ZNF385D: variants seen among roughly 807,000 people sequenced by gnomAD.
ZNF385D encodes zinc finger protein 385D, also known as zinc finger protein 659.
A neutral mutation model predicts 35.8 loss-of-function variants in ZNF385D; 15 were observed. The observed-to-expected ratio is 0.42, with a 90% CI of 0.28 to 0.64. The LOEUF (loss-of-function observed/expected upper bound fraction) is 0.64, where lower values mean the gene tolerates loss of function less well. Among genes scored for constraint, ZNF385D ranks in the 30% least tolerant of loss-of-function variants. The pLI, the probability that ZNF385D is intolerant of heterozygous loss-of-function variation, is 0.23. For synonymous variants in ZNF385D, 212 were observed against 186.8 expected, an observed-to-expected ratio of 1.13 and a Z score of -1.10; for missense variants, 474 against 494.6, an observed-to-expected ratio of 0.96 and a Z score of 0.39.
intron 2 of ZNF385D, among the ~76,000 whole-genome samples, chr3:21,636,067 A>G (rs1395131530): frequency 6.6e-6 from 1 of 151,926 alleles, no homozygotes; most frequent in African/African-American, 2.4e-5. Context: ...TCCTCTGGGT[A>G]GATACCCAGT....
At chr3:21,484,126 C>A (rs1363179383) in intron 4 of ZNF385D, among the ~76,000 whole-genome samples, 1 of 152,132 alleles carries the variant, frequency 6.6e-6, no homozygotes, top group African/African-American at 2.4e-5. Context: ...GTCATGCCTA[C>A]CTAGGGCTGA....
chr3:21,885,054 T>C (rs1322067141), intron 3 of ZNF385D, among the ~76,000 whole-genome samples: 1 of 152,066 alleles, frequency 6.6e-6, no homozygotes, highest in Non-Finnish European at 1.5e-5. Context: ...CTAAATTAGT[T>C]ACTATCTGGC....
intron 4 of ZNF385D, among the ~76,000 whole-genome samples, chr3:21,453,999 G>T (rs1260306224): frequency 2.6e-5 from 4 of 151,972 alleles, no homozygotes; most frequent in African/African-American, 9.7e-5. Flanking sequence ...TCTATAAATA[G>T]AATATATATT....
At chr3:22,131,337 G>C (rs1265753732) in intron 3 of ZNF385D, among the ~76,000 whole-genome samples, 1 of 151,966 alleles carries the variant, frequency 6.6e-6, no homozygotes, top group Non-Finnish European at 1.5e-5. Context: ...CAGTGAACAG[G>C]TAAAGGAAGC....
At chr3:21,520,669 T>A (rs1349641973) in intron 3 of ZNF385D, among the ~76,000 whole-genome samples, 2 of 152,212 alleles carry the variant, frequency 1.3e-5, no homozygotes, top group Non-Finnish European at 2.9e-5. Context: ...CAAGGAATAA[T>A]ATGGAGATTG....
intron 4 of ZNF385D, among the ~76,000 whole-genome samples, chr3:21,493,309 G>T (rs943016563): frequency 3.3e-5 from 5 of 152,042 alleles, no homozygotes; most frequent in African/African-American, 1.2e-4. Context: ...TATATTCATG[G>T]TCTTCTGTGA....
chr3:21,816,366 A>C (rs1008409527), intron 3 of ZNF385D, among the ~76,000 whole-genome samples: 2 of 152,212 alleles, frequency 1.3e-5, no homozygotes, highest in African/African-American at 4.8e-5. Context: ...AGGGTATTCA[A>C]TTAAGAAAAG....
intron 3 of ZNF385D, among the ~76,000 whole-genome samples, chr3:21,992,014 T>C (rs1483020367): frequency 1.3e-5 from 2 of 152,200 alleles, no homozygotes; most frequent in Non-Finnish European, 2.9e-5. Flanking sequence ...ACTATTCTCT[T>C]TAGCATGCTC....
At chr3:21,964,442 A>AAAG (rs1702778302) in intron 3 of ZNF385D, among the ~76,000 whole-genome samples, 1 of 143,980 alleles carries the variant, frequency 6.9e-6, no homozygotes, top group Non-Finnish European at 1.5e-5. Context: ...AGAAAAAAAA[A>AAAG]AAAAGAAAAA....
chr3:22,297,414 G>A (rs144521995), intron 2 of ZNF385D, among the ~76,000 whole-genome samples: 93 of 152,182 alleles, frequency 6.1e-4, no homozygotes, highest in African/African-American at 2.2e-3. Flanking sequence ...AGGAATTCCA[G>A]GATTCCTCAT....
intron 2 of ZNF385D, among the ~76,000 whole-genome samples, chr3:22,265,547 T>C (rs141640920): frequency 1.4e-4 from 22 of 152,104 alleles, no homozygotes; most frequent in East Asian, 7.8e-4. Flanking sequence ...TCGAACTCAA[T>C]TGACCTTGTC....
rs570613075 is a variant in ZNF385D, at chr3:21,415,577, A to G, written c.*5637T>C. 2 of 152,220 alleles carry G rather than the reference A, an allele frequency of 1.3e-5. No homozygotes were observed. The highest frequency in any genetic ancestry group is 3.9e-4 in the East Asian group (2 of 5,182). 9.4% of individuals were successfully genotyped at this position (152,220 alleles called of 1,614,324 possible). A position where few individuals can be genotyped will look rare whatever the true frequency, so the allele number is the denominator to read the frequency against. On this transcript the variant is annotated 3_prime_UTR_variant, in exon 8 of 8. Transcript: ENST00000281523. The stretch of plus-strand genomic sequence containing the variant: ...AAAAGAATGACAGGTACTAAGACTC[A>G]TATTTTTACAATTCTGTATGTGTGT...
At chr3:22,167,242 G>C (rs1049904402) in intron 3 of ZNF385D, among the ~76,000 whole-genome samples, 1 of 152,084 alleles carries the variant, frequency 6.6e-6, no homozygotes, top group African/African-American at 2.4e-5. Context: ...CCAACCCTTT[G>C]CTAATTGGTT....
intron 2 of ZNF385D, among the ~76,000 whole-genome samples, chr3:22,233,541 A>C (rs768438170): frequency 6.6e-6 from 1 of 152,132 alleles, no homozygotes; most frequent in African/African-American, 2.4e-5. Flanking sequence ...GTACACTTAA[A>C]ATATGTGCGT....
At chr3:21,601,519 T>A (rs916389664) in intron 2 of ZNF385D, among the ~76,000 whole-genome samples, 2 of 152,184 alleles carry the variant, frequency 1.3e-5, no homozygotes, top group African/African-American at 4.8e-5. Context: ...GCATATGGCC[T>A]CCTTTGCTAA....
rs779548055 is a variant in ZNF385D at position 22,372,046 on chromosome 3, A to G, written c.106+404T>C. Among the ~76,000 whole-genome samples, 14 of 152,012 alleles carry G rather than the reference A, an allele frequency of 9.2e-5. No homozygotes were observed. The East Asian group carries it at 1.2e-3, about 13-fold the overall frequency. On this transcript the variant is annotated intron_variant, in intron 2 of 5. Transcript: ENST00000494108. Reference sequence around the variant, plus strand: ...AGGGAGCACGCCTCGCACACACCCAATGAAAGACAGACAGCAGGACGTCCT... The same window carrying G: ...AGGGAGCACGCCTCGCACACACCCAGTGAAAGACAGACAGCAGGACGTCCT...
intron 3 of ZNF385D, among the ~76,000 whole-genome samples, chr3:22,036,250 T>C (rs776102834): frequency 6.6e-6 from 1 of 152,166 alleles, no homozygotes; most frequent in Non-Finnish European, 1.5e-5. Context: ...CAGGGAAGAA[T>C]ACAGAACATA....
At chr3:21,944,018 A>G (rs2125281157) in intron 3 of ZNF385D, among the ~76,000 whole-genome samples, 1 of 152,352 alleles carries the variant, frequency 6.6e-6, no homozygotes. Context: ...ATGAAGCCAG[A>G]TGCTAAGTCT....
chr3:22,252,458 G>C (rs1240281923), intron 2 of ZNF385D, among the ~76,000 whole-genome samples: 3 of 152,046 alleles, frequency 2.0e-5, no homozygotes, highest in African/African-American at 7.2e-5. Flanking sequence ...TGTTTAAGTA[G>C]ATTGTTATAT....
Sources: gnomAD v4.1 joint callset for allele counts (sites outside exome capture counted in the v4.1 genomes callset) on GRCh38, gnomAD v4.1.1 for gene constraint, MANE v1.5 for transcripts, NCBI Gene and HGNC (gene_info 2026-07-23, HGNC 2026-07-21) for gene names.